The following TMEM41B variants were observed in gnomAD, a reference collection of about 807,000 sequenced individuals.
TMEM41B encodes the protein protein stasimon.
TMEM41B carries 18 observed loss-of-function variants against 31.9 expected under a neutral mutation model. The observed-to-expected ratio is 0.56, with a 90% CI of 0.39 to 0.84. The LOEUF (loss-of-function observed/expected upper bound fraction) is 0.84. TMEM41B is among the 40% of genes least tolerant of loss of function. The probability of loss-of-function intolerance (pLI) is 0.00; values close to 1 mark genes in which losing one functional copy is unlikely to be tolerated. For missense variants in TMEM41B, 322 were observed against 348.0 expected (o/e 0.93, Z 0.59); for synonymous variants, 144 against 124.3 (o/e 1.16, Z -1.05).
At position 9,283,342 on chromosome 11, in the gene TMEM41B, AG is replaced by A; in HGVS notation, c.*81del. The A allele has an allele frequency of 9.5e-7, 1 of 1,050,534 alleles. No homozygotes were observed. Among genetic ancestry groups the A allele is most frequent in the Non-Finnish European group, 1.4e-6 (1 of 730,570 alleles). 65.1% of individuals were successfully genotyped at this position (1,050,534 alleles called of 1,614,324 possible). A position where few individuals can be genotyped will look rare whatever the true frequency, so the allele number is the denominator to read the frequency against. On this transcript the variant is annotated 3_prime_UTR_variant, in exon 7 of 7. Coordinates refer to ENST00000528080, the MANE Select transcript of TMEM41B (RefSeq NM_015012.4). ...CAAATTCCTTGTTTAATTACTGAAG[AG>A]GTGATTTTAAAACATAAATGGATGC... is the stretch of plus-strand genomic sequence containing the variant.
At chr11:9,292,848 A>G (rs1453066050) in intron 3 of TMEM41B, among the ~76,000 whole-genome samples, 6 of 152,090 alleles carry the variant, frequency 3.9e-5, no homozygotes, top group African/African-American at 1.4e-4. Context: ...TATTTTCCAT[A>G]GTAGCTGCAT....
intron 1 of TMEM41B, 104 bp from the exon 2 acceptor site, chr11:9,299,805 C>T: frequency 1.2e-6 from 1 of 869,506 alleles, no homozygotes; most frequent in Non-Finnish European, 1.9e-6. Flanking sequence ...TGTGCTTTTG[C>T]CTAAAATGAT....
At chr11:9,284,470 A>G (rs1354517509) in intron 6 of TMEM41B, among the ~76,000 whole-genome samples, 2 of 150,898 alleles carry the variant, frequency 1.3e-5, no homozygotes, top group Non-Finnish European at 3.0e-5. Flanking sequence ...ACCTTAAAAG[A>G]AAAAAAAACA....
chr11:9,312,938 A>C (rs1853597660), intron 1 of TMEM41B, among the ~76,000 whole-genome samples: 1 of 137,104 alleles, frequency 7.3e-6, no homozygotes, highest in South Asian at 2.7e-4. Context: ...AATTGTGTTG[A>C]ATGTTTTGTT....
chr11:9,311,335 T>G, intron 1 of TMEM41B: 1 of 1,508,764 alleles, frequency 6.6e-7, no homozygotes, highest in East Asian at 2.5e-5. Context: ...TTGTGCATCT[T>G]TTTATGAGCT....
intron 5 of TMEM41B, among the ~76,000 whole-genome samples, chr11:9,287,345 G>A (rs1852859224): frequency 6.6e-6 from 1 of 152,102 alleles, no homozygotes; most frequent in Non-Finnish European, 1.5e-5. Context: ...CTGGGAGTTG[G>A]CTGATACAAG....
At chr11:9,313,282 CAG>C (rs35485819) in intron 1 of TMEM41B, among the ~76,000 whole-genome samples, 49,295 of 152,008 alleles carry the variant, frequency 0.32, 8,789 homozygotes, top group South Asian at 0.5. Flanking sequence ...ATAAGGCTGA[CAG>C]AGCCAAATTA....
At chr11:9,286,798 G>A (rs373874754) in intron 5 of TMEM41B, among the ~76,000 whole-genome samples, 4 of 152,144 alleles carry the variant, frequency 2.6e-5, no homozygotes, top group Non-Finnish European at 4.4e-5. Flanking sequence ...TCAGGAGTTC[G>A]AGAACAGCCT....
chr11:9,290,262 A>G (rs1852925627), intron 3 of TMEM41B, among the ~76,000 whole-genome samples: 1 of 152,136 alleles, frequency 6.6e-6, no homozygotes, highest in African/African-American at 2.4e-5. Flanking sequence ...CTGTAGTCCC[A>G]GCTACTCGGG....
intron 3 of TMEM41B, among the ~76,000 whole-genome samples, chr11:9,293,674 T>C (rs911935050): frequency 2.0e-5 from 3 of 152,144 alleles, no homozygotes; most frequent in Admixed American, 6.5e-5. Context: ...CTCCACCTCC[T>C]GGGTTCAGGT....
intron 4 of TMEM41B, 57 bp from the exon 5 acceptor site, chr11:9,287,863 T>A: frequency 8.2e-7 from 1 of 1,226,742 alleles, no homozygotes; most frequent in Non-Finnish European, 1.2e-6. Flanking sequence ...CTCACATTGA[T>A]TTATTCACCT....
intron 1 of TMEM41B, among the ~76,000 whole-genome samples, chr11:9,304,702 G>T (rs920244933): frequency 6.6e-6 from 1 of 151,520 alleles, no homozygotes; most frequent in South Asian, 2.1e-4. Context: ...TCTGTCACCA[G>T]CCTGGAGTGC....
chr11:9,306,556 G>A (rs375312402), intron 1 of TMEM41B, among the ~76,000 whole-genome samples: 6 of 151,986 alleles, frequency 3.9e-5, no homozygotes, highest in East Asian at 3.9e-4. Context: ...CACAGTGGCG[G>A]GCGCCTGTAG....
At chr11:9,284,219 A>G (rs1224677667) in intron 6 of TMEM41B, among the ~76,000 whole-genome samples, 2 of 151,298 alleles carry the variant, frequency 1.3e-5, no homozygotes, top group Non-Finnish European at 2.9e-5. Flanking sequence ...ATCATCACTC[A>G]TTGCAGCCTC....
chr11:9,295,685 C>A (rs1454358882), intron 2 of TMEM41B, among the ~76,000 whole-genome samples: 1 of 151,998 alleles, frequency 6.6e-6, no homozygotes, highest in East Asian at 1.9e-4. Context: ...CAGGCGTGCA[C>A]CACCATGCCC....
rs1201644082 is a variant in TMEM41B at position 9,302,501 on chromosome 11, G to A, written c.122-2800C>T. ...AGAGACAGGGTCTCCCTATGTTGCC[G>A]AGGCTGGACTTGAACTCCTGGGCTC... On this transcript the variant is annotated intron_variant, in intron 1 of 6. Coordinates refer to ENST00000528080, the MANE Select transcript of TMEM41B (RefSeq NM_015012.4). Among the ~76,000 whole-genome samples, 2 of 99,088 alleles carry A rather than the reference G, an allele frequency of 2.0e-5. 1 individual carries two copies. Among genetic ancestry groups the A allele is most frequent in the African/African-American group, 7.8e-5 (2 of 25,558 alleles). 65.0% of individuals were successfully genotyped at this position (99,088 alleles called of 152,430 possible).
intron 1 of TMEM41B, among the ~76,000 whole-genome samples, chr11:9,305,368 G>A (rs1242238577): frequency 6.6e-6 from 1 of 152,142 alleles, no homozygotes; most frequent in Non-Finnish European, 1.5e-5. Flanking sequence ...GAAGGCCACG[G>A]TGGGCAGATT....
chr11:9,306,681 G>C (rs1446571002), intron 1 of TMEM41B, among the ~76,000 whole-genome samples: 2 of 147,222 alleles, frequency 1.4e-5, no homozygotes, highest in Non-Finnish European at 3.1e-5. Context: ...GCGAGACTCC[G>C]TCTCAAAAAA....
At position 9,287,801 on chromosome 11, in the gene TMEM41B, AG is replaced by A; in HGVS notation, c.467del (p.Ser156LeufsTer14). The A allele has an allele frequency of 6.2e-7, 1 of 1,608,580 alleles. No homozygotes were observed. Among genetic ancestry groups the A allele is most frequent in the Admixed American group, 1.7e-5 (1 of 58,726 alleles). On this transcript the variant is annotated frameshift_variant, in exon 5 of 7. Transcript: ENST00000528080. LOFTEE classifies it high-confidence loss of function. Reference protein sequence around the residue: ...PLALFLVCLCSGLGASFCYML... With the variant: ...PLALFLVCLCXGLGASFCYML... ...TATAACAGAAAGAGGCACCAAGTCC[AG>A]AACACTGGAAAACAAAAGAAGCCAT...
Sources: gnomAD v4.1 joint callset for allele counts (sites outside exome capture counted in the v4.1 genomes callset) on GRCh38, gnomAD v4.1.1 for gene constraint, MANE v1.5 for transcripts, NCBI Gene and HGNC (gene_info 2026-07-23, HGNC 2026-07-21) for gene names.